Variants in IARS2 observed in about 807,000 individuals in gnomAD.
The protein encoded by IARS2 is isoleucyl-tRNA synthetase 2, mitochondrial.
IARS2 carries 56 observed loss-of-function variants against 126.3 expected under a neutral mutation model. The ratio of observed to expected loss-of-function variants is 0.44; its 90% CI spans 0.36 to 0.55. IARS2 has a LOEUF of 0.55. IARS2 is among the 20% of genes least tolerant of loss of function. IARS2 has a pLI of 0.00. For missense variants in IARS2, 1,127 were observed against 1,245.9 expected (o/e 0.90, Z 1.44); for synonymous variants, 407 against 441.1 (o/e 0.92, Z 0.97).
intron 21 of IARS2, chr1:220,144,416 A>C (rs1375119095): frequency 1.8e-6 from 1 of 550,536 alleles, no homozygotes; most frequent in Admixed American, 3.5e-5. Context: ...CAGTTTTCTA[A>C]AAAACATCCA....
At chr1:220,107,815 T>C (rs1320413233) in intron 10 of IARS2, among the ~76,000 whole-genome samples, 2 of 152,232 alleles carry the variant, frequency 1.3e-5, no homozygotes, top group Admixed American at 1.3e-4. Context: ...TTCTAGCTTT[T>C]GGTGGCTCCT....
At chr1:220,127,121 C>A (rs1045164156) in intron 14 of IARS2, among the ~76,000 whole-genome samples, 18 of 152,106 alleles carry the variant, frequency 1.2e-4, no homozygotes, top group Non-Finnish European at 5.9e-5. Flanking sequence ...TCTCCTTGGC[C>A]ACTTGGCAAC....
chr1:220,127,168 G>A (rs1049379940), intron 14 of IARS2, among the ~76,000 whole-genome samples: 5 of 152,198 alleles, frequency 3.3e-5, no homozygotes, highest in African/African-American at 1.2e-4. Context: ...AAGTTTGGAA[G>A]TCACTGAAAT....
intron 10 of IARS2, 146 bp from the exon 11 acceptor site, chr1:220,110,639 CA>C: frequency 1.6e-6 from 1 of 631,588 alleles, no homozygotes; most frequent in Non-Finnish European, 2.7e-6. Context: ...GCTGGGATTA[CA>C]GGTGTGAGCC....
rs771509480 is a variant in IARS2, at chr1:220,102,685, AGAT to A, written c.860_862del (p.Asp287del). 8 of 1,608,826 alleles carry A rather than the reference AGAT, an allele frequency of 5.0e-6. No homozygotes were observed. The highest frequency in any genetic ancestry group is 6.0e-6 in the Non-Finnish European group (7 of 1,175,286). The stretch of plus-strand genomic sequence containing the variant: ...AACATATTTACAATTGTATTTTCAC[AGAT>A]GGTTCATCTCCTGTTAGTATTTTGG... On this transcript the variant is annotated splice_acceptor_variant and coding_sequence_variant, in exon 7 of 23. Coordinates refer to ENST00000366922, the MANE Select transcript of IARS2 (RefSeq NM_018060.4). LOFTEE classifies it high-confidence loss of function.
chr1:220,143,173 T>C, intron 21 of IARS2, 39 bp downstream of exon 21: 1 of 1,465,344 alleles, frequency 6.8e-7, no homozygotes, highest in Non-Finnish European at 9.3e-7. Flanking sequence ...GGTGTTAGTA[T>C]CATAGAGCTT....
At chr1:220,135,461 A>G (rs1260613497) in intron 15 of IARS2, among the ~76,000 whole-genome samples, 4 of 151,924 alleles carry the variant, frequency 2.6e-5, no homozygotes, top group Non-Finnish European at 4.4e-5. Context: ...CCCGGGTTCA[A>G]GCGATTCTCC....
At chr1:220,115,304 T>C (rs559356119) in intron 12 of IARS2, among the ~76,000 whole-genome samples, 1 of 152,342 alleles carries the variant, frequency 6.6e-6, no homozygotes, top group East Asian at 1.9e-4. Context: ...GGCTCACGCC[T>C]GTAATCCCAG....
At chr1:220,101,057 G>A (rs1177961198) in intron 3 of IARS2, among the ~76,000 whole-genome samples, 1 of 152,130 alleles carries the variant, frequency 6.6e-6, no homozygotes, top group Non-Finnish European at 1.5e-5. Flanking sequence ...TGGGCCAAGG[G>A]AGGATTCTCT....
In IARS2 at chr1:220,146,505, G is replaced by A. The variant is rs539962843; in HGVS notation, c.2896+852G>A. Among the ~76,000 whole-genome samples, 19 of 116,736 alleles carry A rather than the reference G, an allele frequency of 1.6e-4. No homozygotes were observed. The East Asian group carries it at 4.7e-3, about 29-fold the overall frequency. 76.6% of individuals were successfully genotyped at this position (116,736 alleles called of 152,430 possible). On this transcript the variant is annotated intron_variant, in intron 22 of 22. Transcript: ENST00000366922. The stretch of plus-strand genomic sequence containing the variant: ...TGCACTCCAGCCTGGGCGACAGAGC[G>A]AGACTCCGTCTCAAAAAAAAAAAAA...
rs368851287 is a variant in IARS2, at chr1:220,147,646, T to C, written c.*11T>C. ...GTCAGTGGAAAATAGTATTAACAGC[T>C]CACTCGAGCAAGAACCCTCCTGACA... On this transcript the variant is annotated 3_prime_UTR_variant, in exon 23 of 23. Coordinates refer to ENST00000366922, the MANE Select transcript of IARS2 (RefSeq NM_018060.4). 9 of 1,613,556 alleles carry C rather than the reference T, an allele frequency of 5.6e-6. No individual in the cohort carries two copies. The African/African-American group carries it at 6.7e-5, about 12-fold the overall frequency.
rs985879448 is a variant in IARS2, at chr1:220,138,922, A to G, written c.2176-86A>G. 2.0e-5 allele frequency: 24 copies of G among 1,211,652 alleles called. No individual in the cohort carries two copies. The African/African-American group carries it at 2.3e-4, about 12-fold the overall frequency. 75.1% of individuals were successfully genotyped at this position (1,211,652 alleles called of 1,614,324 possible). A position where few individuals can be genotyped will look rare whatever the true frequency, so the allele number is the denominator to read the frequency against. On this transcript the variant is annotated intron_variant, in intron 17 of 22. Coordinates refer to ENST00000366922, the MANE Select transcript of IARS2 (RefSeq NM_018060.4). ...AAAATACCCCACTAAGAAAATGACAAGAGTTAGTAATAAAATAACTTTTCA... is the reference window on the plus strand; with the variant it reads ...AAAATACCCCACTAAGAAAATGACAGGAGTTAGTAATAAAATAACTTTTCA...
At chr1:220,124,029 GC>G (rs1203889448) in intron 12 of IARS2, among the ~76,000 whole-genome samples, 1 of 152,154 alleles carries the variant, frequency 6.6e-6, no homozygotes, top group Non-Finnish European at 1.5e-5. Context: ...GAGGAAACAG[GC>G]ACAGAAATGT....
intron 12 of IARS2, among the ~76,000 whole-genome samples, chr1:220,119,610 G>T (rs1227783063): frequency 6.6e-6 from 1 of 151,832 alleles, no homozygotes; most frequent in Non-Finnish European, 1.5e-5. Flanking sequence ...GTATTATCTT[G>T]GTTTCATTAT....
At chr1:220,103,312 T>C in intron 7 of IARS2, 135 bp from the exon 8 acceptor site, 1 of 584,726 alleles carries the variant, frequency 1.7e-6, no homozygotes, top group South Asian at 2.3e-5. Flanking sequence ...CCTCCCAAAG[T>C]GCTGGGATTA....
At position 220,134,424 on chromosome 1, in the gene IARS2, G is replaced by A; in HGVS notation, c.1860G>A (p.Leu620=). ...GAGGTCCTGACCAAAGAGCAGATTT[G>A]TACTTGGAAGGAAAAGACCAGCTCG... ...VLPGPDQRAD[L]YLEGKDQLGG... is the part of the protein sequence containing the mutation. The change falls in exon 15 of 23, where the codon TTG becomes TTA. Residue 620 remains leucine (L), a synonymous_variant. Transcript: ENST00000366922. 6.2e-7 allele frequency: 1 copy of A among 1,609,072 alleles called. No individual in the cohort carries two copies. The highest frequency in any genetic ancestry group is 8.5e-7 in the Non-Finnish European group (1 of 1,178,040).
At chr1:220,116,093 C>T (rs2102826239) in intron 12 of IARS2, among the ~76,000 whole-genome samples, 1 of 152,218 alleles carries the variant, frequency 6.6e-6, no homozygotes, top group East Asian at 1.9e-4. Context: ...CCTGTAGTCC[C>T]AGCGACTTGG....
chr1:220,139,588 A>G (rs368377083), intron 18 of IARS2, among the ~76,000 whole-genome samples: 2 of 152,082 alleles, frequency 1.3e-5, no homozygotes, highest in Non-Finnish European at 2.9e-5. Flanking sequence ...CTATCTCTAG[A>G]AAAATTTTAA....
rs184438741 is a variant in IARS2, at chr1:220,133,871, T to C, written c.1838-531T>C. Among the ~76,000 whole-genome samples the C allele has an allele frequency of 2.9e-3, 440 of 151,906 alleles. 3 individuals are homozygous for C. The highest frequency in any genetic ancestry group is 9.8e-3 in the African/African-American group (405 of 41,420). The stretch of plus-strand genomic sequence containing the variant: ...AGTCTCTTAACATAACCAACACAGA[T>C]ATCAAAATTAGGGAATTAACATTGA... On this transcript the variant is annotated intron_variant, in intron 14 of 22. Transcript: ENST00000366922.
Sources: allele counts gnomAD v4.1 joint callset (sites outside exome capture counted in the v4.1 genomes callset), GRCh38; gene constraint gnomAD v4.1.1; transcripts MANE v1.5; gene names NCBI Gene and HGNC (gene_info 2026-07-23, HGNC 2026-07-21).